KDM4D: variants seen among roughly 807,000 people sequenced by gnomAD.
KDM4D encodes the protein lysine-specific demethylase 4D.
For synonymous variants in KDM4D, 254 were observed against 249.1 expected, an observed-to-expected ratio of 1.02 and a Z score of -0.19; for missense variants, 427 against 674.8, an observed-to-expected ratio of 0.63 and a Z score of 4.07.
Position 94,998,245 on chromosome 11 carries a change from G to A in KDM4D, c.873G>A (p.Glu291=), listed in dbSNP as rs1485621705. 8 of 1,614,116 alleles carry A rather than the reference G, an allele frequency of 5.0e-6. No individual in the cohort carries two copies. The African/African-American group carries it at 8.0e-5, about 16-fold the overall frequency. ...TCAACCATGGTTTCAACTGCGCAGA[G>A]GCCATCAATTTTGCCACTCCGCGAT... is the stretch of plus-strand genomic sequence containing the variant. ...AGFNHGFNCA[E]AINFATPRWI... Residue 291 remains glutamate (E), a synonymous_variant, in exon 3 of 3, where the codon GAG becomes GAA. Transcript: ENST00000335080. This position sits in a 1 kb window ranked among gnomAD's most constrained non-coding sequence, Gnocchi z 6.7.
chr11:94,993,300 G>A (rs1007912492), intron 2 of KDM4D, among the ~76,000 whole-genome samples: 1 of 152,106 alleles, frequency 6.6e-6, no homozygotes, highest in African/African-American at 2.4e-5. Context: ...CTTAGATGAC[G>A]AATTCTGCCT....
rs1278729695 is a variant in KDM4D at position 94,979,930 on chromosome 11, CATT to C, written c.-350+4183_-350+4185del. On this transcript the variant is annotated intron_variant, in intron 2 of 2. Transcript: ENST00000335080. ...ATTTGGTGGGTATATAGTGATATAT[CATT>C]GAGGTCTCAGTTTGCATTTCCCTGA... 2.0e-5 allele frequency among the ~76,000 whole-genome samples: 3 copies of C among 152,254 alleles called. No homozygotes were observed. The East Asian group carries it at 5.8e-4, about 29-fold the overall frequency.
At chr11:94,985,028 T>G (rs781817867) in intron 2 of KDM4D, among the ~76,000 whole-genome samples, 2 of 152,338 alleles carry the variant, frequency 1.3e-5, no homozygotes, top group African/African-American at 4.8e-5. Context: ...AAATATTTAT[T>G]TATTTCTACT....
chr11:94,998,488 G>A lies in KDM4D; in HGVS notation c.1116G>A (p.Leu372=), dbSNP rs781804051. The change falls in exon 3 of 3, where the codon CTG becomes CTA. Residue 372 remains leucine, a synonymous_variant. Coordinates refer to ENST00000335080, the MANE Select transcript of KDM4D (RefSeq NM_018039.3). The surrounding 1 kb of genome is among the most constrained non-coding windows in gnomAD (Gnocchi z 6.7). Reference sequence around the variant, plus strand: ...TCCAGTTACCCAGGAGAGCAGCGCTGGGCCTGAGACAACTCCCTTCCCACT... The same window carrying A: ...TCCAGTTACCCAGGAGAGCAGCGCTAGGCCTGAGACAACTCCCTTCCCACT... ...KEVQLPRRAA[L]GLRQLPSHWA... is the part of the protein sequence containing the mutation. 2.5e-6 allele frequency: 4 copies of A among 1,612,306 alleles called. No individual in the cohort carries two copies. Among genetic ancestry groups the A allele is most frequent in the Non-Finnish European group, 3.4e-6 (4 of 1,180,012 alleles).
chr11:94,998,836 T>C lies in KDM4D; in HGVS notation c.1464T>C (p.Pro488=). The C allele has an allele frequency of 6.3e-7, 1 of 1,581,372 alleles. No homozygotes were observed. The highest frequency in any genetic ancestry group is 8.6e-7 in the Non-Finnish European group (1 of 1,161,378). ...CATGCACAGCTTCGGGCCCAGAACC[T>C]GAGCCCCTACCTGAGGATGGGGCTT... is the stretch of plus-strand genomic sequence containing the variant. ...GTTCTASGPE[P]EPLPEDGALM... is the part of the protein sequence containing the mutation. Residue 488 remains proline, a synonymous_variant, in exon 3 of 3, where the codon CCT becomes CCC. Coordinates refer to ENST00000335080, the MANE Select transcript of KDM4D (RefSeq NM_018039.3). This position sits in a 1 kb window ranked among gnomAD's most constrained non-coding sequence, Gnocchi z 6.7.
intron 2 of KDM4D, among the ~76,000 whole-genome samples, chr11:94,986,019 AG>A (rs1277201331): frequency 6.6e-6 from 1 of 152,212 alleles, no homozygotes; most frequent in Non-Finnish European, 1.5e-5. Flanking sequence ...CAAAGCCAAA[AG>A]CACAAGCAAC....
At position 94,998,672 on chromosome 11, in the gene KDM4D, T is replaced by C; in HGVS notation, c.1300T>C (p.Ser434Pro). 1 of 1,614,182 alleles carries C rather than the reference T, an allele frequency of 6.2e-7. No individual in the cohort carries two copies. Among genetic ancestry groups the C allele is most frequent in the Non-Finnish European group, 8.5e-7 (1 of 1,180,030 alleles). The change falls in exon 3 of 3, where the codon TCA becomes CCA. Residue 434 changes from serine to proline, a missense_variant. Physicochemically the swap from Ser to Pro is moderately conservative, Grantham distance 74 (BLOSUM62 -1). Transcript: ENST00000335080. The surrounding 1 kb of genome is among the most constrained non-coding windows in gnomAD (Gnocchi z 6.7). ...CTCTAAGAAGCCCAGCTCAACTCCA[T>C]CATCCACCCCTGGTCCATCTGCACA... ...HSSKKPSSTP[S>P]STPGPSAQII...
At chr11:94,981,560 T>C (rs1421935125) in intron 2 of KDM4D, among the ~76,000 whole-genome samples, 1 of 152,092 alleles carries the variant, frequency 6.6e-6, no homozygotes, top group Non-Finnish European at 1.5e-5. Flanking sequence ...TATTCTTTTG[T>C]CAGTATCACT....
chr11:94,982,038 A>C (rs1857846598), intron 2 of KDM4D, among the ~76,000 whole-genome samples: 1 of 151,596 alleles, frequency 6.6e-6, no homozygotes, highest in African/African-American at 2.4e-5. Flanking sequence ...TTTAGTTCAA[A>C]ATATTTTCTA....
At chr11:94,974,551 A>C (rs587763130) in intron 1 of KDM4D, among the ~76,000 whole-genome samples, 9 of 152,336 alleles carry the variant, frequency 5.9e-5, no homozygotes, top group African/African-American at 2.2e-4. Flanking sequence ...AAGAAAGAAA[A>C]GCAGAAAAAG....
At chr11:94,984,368 G>A (rs186129227) in intron 2 of KDM4D, among the ~76,000 whole-genome samples, 2 of 151,978 alleles carry the variant, frequency 1.3e-5, no homozygotes, top group East Asian at 1.9e-4. Context: ...GGTAGCCTGC[G>A]CCTATGGTCC....
chr11:94,990,141 G>A (rs1857922852), intron 2 of KDM4D, among the ~76,000 whole-genome samples: 1 of 152,202 alleles, frequency 6.6e-6, no homozygotes, highest in South Asian at 2.1e-4. Flanking sequence ...TTTGGAGAGA[G>A]AAGCAAGCAC....
intron 2 of KDM4D, among the ~76,000 whole-genome samples, chr11:94,981,041 AG>A (rs1260134459): frequency 2.0e-5 from 3 of 152,110 alleles, no homozygotes; most frequent in Non-Finnish European, 4.4e-5. Flanking sequence ...ATTTGGCTGA[AG>A]GTTTTGGATA....
At chr11:94,982,313 G>A (rs1341003943) in intron 2 of KDM4D, among the ~76,000 whole-genome samples, 1 of 151,774 alleles carries the variant, frequency 6.6e-6, no homozygotes, top group Admixed American at 6.6e-5. Context: ...TATGACTATT[G>A]CTTTTTAACT....
At chr11:94,974,538 A>T (rs1555096737) in intron 1 of KDM4D, among the ~76,000 whole-genome samples, 1 of 152,350 alleles carries the variant, frequency 6.6e-6, no homozygotes, top group East Asian at 1.9e-4. Context: ...CAACTTTTTA[A>T]TGAAGAAAGA....
Position 94,998,537 on chromosome 11 carries a change from A to C in KDM4D, c.1165A>C (p.Met389Leu). ...SHWARHSPWPMAARSGTRCHT... is the reference protein window; with the variant it reads ...SHWARHSPWPLAARSGTRCHT... ...CTGGGCCCGGCATTCCCCTTGGCCT[A>C]TGGCTGCCCGCAGTGGGACACGGTG... The change falls in exon 3 of 3, where the codon ATG (methionine) becomes CTG (leucine). Residue 389 changes from methionine to leucine, a missense_variant. Met to Leu is a conservative substitution (Grantham distance 15). Coordinates refer to ENST00000335080, the MANE Select transcript of KDM4D (RefSeq NM_018039.3). The surrounding 1 kb of genome is among the most constrained non-coding windows in gnomAD (Gnocchi z 6.7). 6.2e-7 allele frequency: 1 copy of C among 1,612,972 alleles called. No homozygotes were observed. The highest frequency in any genetic ancestry group is 1.3e-5 in the African/African-American group (1 of 75,008).
intron 2 of KDM4D, among the ~76,000 whole-genome samples, chr11:94,983,399 A>G (rs11020994): frequency 0.094 from 14,334 of 152,178 alleles, 924 homozygotes; most frequent in South Asian, 0.23. Context: ...CAAAGAATAC[A>G]TGGATTACTT....
intron 1 of KDM4D, among the ~76,000 whole-genome samples, chr11:94,975,115 A>G (rs1474460994): frequency 2.6e-5 from 4 of 152,112 alleles, no homozygotes; most frequent in African/African-American, 7.2e-5. Context: ...ACAGGGCAAG[A>G]TTCCTTCTAT....
In KDM4D at chr11:94,998,651, A is replaced by G. The variant is rs782160292; in HGVS notation, c.1279A>G (p.Lys427Glu). ...CCGGGCTGCTGCTGTCCACAGCTCT[A>G]AGAAGCCCAGCTCAACTCCATCATC... ...QPRAAAVHSS[K>E]KPSSTPSSTP... Residue 427 changes from lysine (K) to glutamate (E), a missense_variant, in exon 3 of 3, where the codon AAG becomes GAG. Physicochemically the swap from Lys to Glu is moderately conservative, Grantham distance 56. Coordinates refer to ENST00000335080, the MANE Select transcript of KDM4D (RefSeq NM_018039.3). This position sits in a 1 kb window ranked among gnomAD's most constrained non-coding sequence, Gnocchi z 6.7. The G allele has an allele frequency of 1.9e-6, 3 of 1,614,178 alleles. No individual in the cohort carries two copies. In the South Asian group the frequency reaches 3.3e-5, roughly 18 times the overall value.
Sources: gnomAD v4.1 joint callset for allele counts (sites outside exome capture counted in the v4.1 genomes callset) on GRCh38, gnomAD v4.1.1 for gene constraint, Gnocchi (gnomAD v3.1) non-coding constraint, MANE v1.5 for transcripts, NCBI Gene and HGNC (gene_info 2026-07-23, HGNC 2026-07-21) for gene names.